The following ALG14 variants were observed in gnomAD, a reference collection of about 807,000 sequenced individuals.
ALG14 encodes UDP-N-acetylglucosamine transferase subunit ALG14.
ALG14 carries 17 observed loss-of-function variants against 22.8 expected under a neutral mutation model. That is an observed-to-expected ratio of 0.75 (90% CI 0.51 to 1.12). The LOEUF is 1.12. ALG14 is among the 50% of genes most tolerant of loss of function. ALG14 has a pLI of 0.00. For missense variants in ALG14, 288 were observed against 271.8 expected (o/e 1.06, Z -0.42); for synonymous variants, 89 against 103.7 (o/e 0.86, Z 0.86).
chr1:95,007,929 A>G (rs1393930486), intron 3 of ALG14, among the ~76,000 whole-genome samples: 2 of 152,230 alleles, frequency 1.3e-5, no homozygotes, highest in Non-Finnish European at 2.9e-5. Flanking sequence ...GAGAGCAGGC[A>G]TATTTGTCTG....
chr1:95,049,369 C>G (rs1024766976), intron 2 of ALG14, among the ~76,000 whole-genome samples: 1 of 152,010 alleles, frequency 6.6e-6, no homozygotes, highest in Middle Eastern at 3.2e-3. Flanking sequence ...CCCGTCTCTA[C>G]CAAAAATACA....
chr1:95,022,452 C>A (rs1411340510), intron 3 of ALG14: 26 of 775,196 alleles, frequency 3.4e-5, no homozygotes, highest in Non-Finnish European at 3.9e-5. Flanking sequence ...TGGACTCTGA[C>A]CATCATCAGA....
chr1:95,059,162 G>C (rs1054267641), intron 2 of ALG14, among the ~76,000 whole-genome samples: 2 of 151,838 alleles, frequency 1.3e-5, no homozygotes, highest in African/African-American at 2.4e-5. Flanking sequence ...GCTTTAAGAG[G>C]CTGAGGCAAG....
Position 94,978,866 on chromosome 1 carries a change from A to C in ALG14, c.*4210T>G, listed in dbSNP as rs1158807469. Reference sequence around the variant, plus strand: ...CTTTAAAAAAAAAAAAAAACACCTAACGTAGCTATTAAGGTAAGCCTGGCT... The same window carrying C: ...CTTTAAAAAAAAAAAAAAACACCTACCGTAGCTATTAAGGTAAGCCTGGCT... On this transcript the variant is annotated 3_prime_UTR_variant, in exon 4 of 4. Coordinates refer to ENST00000370205, the MANE Select transcript of ALG14 (RefSeq NM_144988.4). The C allele has an allele frequency of 1.3e-5, 2 of 150,394 alleles. No homozygotes were observed. Among genetic ancestry groups the C allele is most frequent in the South Asian group, 2.1e-4 (1 of 4,748 alleles). 9.3% of individuals were successfully genotyped at this position (150,394 alleles called of 1,614,324 possible).
intron 3 of ALG14, among the ~76,000 whole-genome samples, chr1:95,006,452 T>C (rs1204519744): frequency 6.6e-6 from 1 of 152,102 alleles, no homozygotes; most frequent in Non-Finnish European, 1.5e-5. Context: ...TAAATTGAAT[T>C]GAATACAAAG....
chr1:95,035,075 T>C (rs558251608), intron 2 of ALG14, among the ~76,000 whole-genome samples: 6 of 152,248 alleles, frequency 3.9e-5, no homozygotes, highest in Non-Finnish European at 5.9e-5. Context: ...GAGACTTTTC[T>C]GTTGAACTTT....
At chr1:95,072,674 T>G (rs1675607977) in intron 1 of ALG14, 89 bp downstream of exon 1, 40 of 1,537,400 alleles carry the variant, frequency 2.6e-5, no homozygotes, top group Non-Finnish European at 3.5e-5. Context: ...CTCCAAGAAG[T>G]GCTAAGGGTA....
chr1:95,071,744 G>C (rs1486663335), intron 1 of ALG14, among the ~76,000 whole-genome samples: 1 of 152,100 alleles, frequency 6.6e-6, no homozygotes, highest in Non-Finnish European at 1.5e-5. Flanking sequence ...TTTCAGTTTA[G>C]CATCATTTCT....
chr1:95,028,679 G>A (rs1673902632), intron 2 of ALG14, among the ~76,000 whole-genome samples: 2 of 128,754 alleles, frequency 1.6e-5, no homozygotes, highest in South Asian at 4.8e-4. Flanking sequence ...AATAGCTGTA[G>A]TCTCAGCTAT....
chr1:94,989,303 G>A (rs537611041), intron 3 of ALG14, among the ~76,000 whole-genome samples: 1 of 152,316 alleles, frequency 6.6e-6, no homozygotes, highest in East Asian at 1.9e-4. Flanking sequence ...GTTGTGGAAA[G>A]TTTAATACAA....
At chr1:95,044,671 C>G (rs1674487871) in intron 2 of ALG14, among the ~76,000 whole-genome samples, 1 of 152,146 alleles carries the variant, frequency 6.6e-6, no homozygotes, top group African/African-American at 2.4e-5. Context: ...TCTGCCCCCA[C>G]AGCACTGATC....
rs1391021129 is a variant in ALG14, at chr1:95,012,845, A to G, written c.420+14284T>C. 2.6e-5 allele frequency among the ~76,000 whole-genome samples: 4 copies of G among 152,132 alleles called. No homozygotes were observed. The East Asian group carries it at 7.7e-4, about 29-fold the overall frequency. ...TGTATTTGTCCTGTTGAAACAATGA[A>G]AAACAGGTCAGGCACGGTGGCTCGT... On this transcript the variant is annotated intron_variant, in intron 3 of 3. Coordinates refer to ENST00000370205, the MANE Select transcript of ALG14 (RefSeq NM_144988.4).
intron 1 of ALG14, among the ~76,000 whole-genome samples, chr1:95,069,569 G>T (rs1675492463): frequency 6.7e-6 from 1 of 148,964 alleles, no homozygotes; most frequent in South Asian, 2.1e-4. Flanking sequence ...TTCAAACCTA[G>T]ACTAAATGAC....
At chr1:95,026,462 ATGTG>A (rs141495807) in intron 3 of ALG14, among the ~76,000 whole-genome samples, 11,649 of 142,232 alleles carry the variant, frequency 0.082, 399 homozygotes, top group Middle Eastern at 0.11. Flanking sequence ...AGCCCAAGGA[ATGTG>A]TGTGTGTGTG....
At chr1:95,021,131 G>GT (rs1447544377) in intron 3 of ALG14, among the ~76,000 whole-genome samples, 2 of 152,190 alleles carry the variant, frequency 1.3e-5, no homozygotes, top group East Asian at 3.8e-4. Context: ...GTTATGCAAT[G>GT]TTTTTTTCCT....
chr1:95,009,599 G>A (rs1337015118), intron 3 of ALG14, among the ~76,000 whole-genome samples: 2 of 152,090 alleles, frequency 1.3e-5, no homozygotes, highest in African/African-American at 4.8e-5. Context: ...TCATACAATT[G>A]TATTCTCTGT....
rs575445283 is a variant in ALG14, at chr1:95,072,467, T to C, written c.136+296A>G. ...ACAGCCATACGGGGAAACTGCATGT[T>C]TGCATCAAAAGGCTTCTACGTTCTC... is the stretch of plus-strand genomic sequence containing the variant. On this transcript the variant is annotated intron_variant, in intron 1 of 3. Transcript: ENST00000370205. 1.2e-3 allele frequency among the ~76,000 whole-genome samples: 187 copies of C among 152,324 alleles called. 1 individual carries two copies. Among genetic ancestry groups the C allele is most frequent in the African/African-American group, 4.3e-3 (177 of 41,572 alleles).
chr1:95,017,629 G>A lies in ALG14; in HGVS notation c.420+9500C>T, dbSNP rs555427022. On this transcript the variant is annotated intron_variant, in intron 3 of 3. Coordinates refer to ENST00000370205, the MANE Select transcript of ALG14 (RefSeq NM_144988.4). ...AAAGAACAGTTAAAGCATGGAAAGA[G>A]ACAGAAGAGAGAGGAGGGCCACGAG... is the stretch of plus-strand genomic sequence containing the variant. Among the ~76,000 whole-genome samples the A allele has an allele frequency of 2.6e-5, 4 of 152,148 alleles. No homozygotes were observed. In the South Asian group the frequency reaches 6.2e-4, roughly 24 times the overall value.
rs780080991 is a variant in ALG14, at chr1:95,072,932, G to C, written c.-34C>G. On this transcript the variant is annotated 5_prime_UTR_variant, in exon 1 of 4. Transcript: ENST00000370205. The stretch of plus-strand genomic sequence containing the variant: ...ACGGCGCATGCGTCCAACTTCCGGG[G>C]ACCAGCCGCTGTCAAAGTTCACAAC... 7 of 1,611,138 alleles carry C rather than the reference G, an allele frequency of 4.3e-6. No individual in the cohort carries two copies. Among genetic ancestry groups the C allele is most frequent in the Non-Finnish European group, 5.9e-6 (7 of 1,179,014 alleles).
Sources: gnomAD v4.1 joint callset for allele counts (sites outside exome capture counted in the v4.1 genomes callset) on GRCh38, gnomAD v4.1.1 for gene constraint, MANE v1.5 for transcripts, NCBI Gene and HGNC (gene_info 2026-07-23, HGNC 2026-07-21) for gene names.